NAALADL2: variants seen among roughly 807,000 people sequenced by gnomAD.
The protein encoded by NAALADL2 is inactive N-acetylated-alpha-linked acidic dipeptidase-like protein 2.
Under a neutral mutation model 87.2 loss-of-function variants are expected in NAALADL2, and 76 were observed. The observed-to-expected ratio is 0.87, with a 90% confidence interval of 0.72 to 1.05. The LOEUF (loss-of-function observed/expected upper bound fraction) is 1.05, where lower values mean the gene tolerates loss of function less well. NAALADL2 is among the 50% of genes least tolerant of loss of function. The pLI, the probability that NAALADL2 is intolerant of heterozygous loss-of-function variation, is 0.00. For synonymous variants in NAALADL2, 354 were observed against 331.0 expected, an observed-to-expected ratio of 1.07 and a Z score of -0.75; for missense variants, 1,089 against 945.8, an observed-to-expected ratio of 1.15 and a Z score of -1.99.
chr3:175,602,224 G>A (rs566453925), intron 10 of NAALADL2, among the ~76,000 whole-genome samples: 1 of 152,116 alleles, frequency 6.6e-6, no homozygotes, highest in South Asian at 2.1e-4. Context: ...ATATAGTTTA[G>A]TATACAGGTG....
chr3:174,463,901 A>AT (rs1382586688), intron 1 of NAALADL2, among the ~76,000 whole-genome samples: 3 of 151,914 alleles, frequency 2.0e-5, no homozygotes, highest in Admixed American at 6.6e-5. Flanking sequence ...CCCGGCCAAG[A>AT]TTATCTTTTT....
chr3:174,989,323 C>T (rs536405197), intron 1 of NAALADL2, among the ~76,000 whole-genome samples: 27 of 152,210 alleles, frequency 1.8e-4, no homozygotes, highest in African/African-American at 4.8e-4. Context: ...TTTTAGGGAA[C>T]GTAGTGCAAT....
chr3:175,555,816 G>A (rs1715175322), intron 9 of NAALADL2, among the ~76,000 whole-genome samples: 1 of 152,118 alleles, frequency 6.6e-6, no homozygotes. Flanking sequence ...GCACAATCTT[G>A]TCTAATTGTT....
intron 3 of NAALADL2, among the ~76,000 whole-genome samples, chr3:174,841,615 G>A (rs1011386504): frequency 1.3e-5 from 2 of 152,204 alleles, no homozygotes; most frequent in African/African-American, 4.8e-5. Flanking sequence ...TCTGTGGCTG[G>A]AAAGGACACT....
chr3:175,058,054 C>T (rs1296120936), intron 1 of NAALADL2, among the ~76,000 whole-genome samples: 1 of 152,156 alleles, frequency 6.6e-6, no homozygotes, highest in Non-Finnish European at 1.5e-5. Context: ...GCACTCTAGA[C>T]ATATTTGATT....
At chr3:174,879,801 A>C (rs1361297522) in intron 1 of NAALADL2, among the ~76,000 whole-genome samples, 1 of 152,020 alleles carries the variant, frequency 6.6e-6, no homozygotes, top group Admixed American at 6.6e-5. Flanking sequence ...CATTTTCATC[A>C]AGCATTTGCT....
At chr3:175,435,480 A>C (rs1459805373) in intron 5 of NAALADL2, among the ~76,000 whole-genome samples, 1 of 152,082 alleles carries the variant, frequency 6.6e-6, no homozygotes, top group Non-Finnish European at 1.5e-5. Flanking sequence ...CTAGTTTAAC[A>C]CCTGCTTAAC....
intron 2 of NAALADL2, among the ~76,000 whole-genome samples, chr3:174,630,162 A>G (rs751620772): frequency 1.3e-5 from 2 of 152,144 alleles, no homozygotes; most frequent in Non-Finnish European, 2.9e-5. Flanking sequence ...CATTTTGTTG[A>G]TTAAAATACA....
chr3:174,826,683 T>C (rs1174764350), intron 3 of NAALADL2, among the ~76,000 whole-genome samples: 1 of 152,188 alleles, frequency 6.6e-6, no homozygotes, highest in African/African-American at 2.4e-5. Context: ...CTGACTTCCT[T>C]AGGGTTTTTG....
At chr3:174,911,421 T>C (rs574209555) in intron 1 of NAALADL2, among the ~76,000 whole-genome samples, 1 of 152,248 alleles carries the variant, frequency 6.6e-6, no homozygotes, top group African/African-American at 2.4e-5. Flanking sequence ...GTATACAGCA[T>C]TTGAAGCAAT....
At chr3:175,695,224 T>C (rs190789599) in intron 11 of NAALADL2, among the ~76,000 whole-genome samples, 1 of 152,232 alleles carries the variant, frequency 6.6e-6, no homozygotes, top group Non-Finnish European at 1.5e-5. Context: ...TCTGTTTTTC[T>C]ACTCCTTCCA....
chr3:174,728,924 C>T (rs191372645), intron 2 of NAALADL2, among the ~76,000 whole-genome samples: 12 of 152,000 alleles, frequency 7.9e-5, no homozygotes, highest in Admixed American at 1.3e-4. Flanking sequence ...CTCATTGGAC[C>T]GCCTCATCGA....
rs1446051162 is a variant in NAALADL2, at chr3:175,734,444, C to G, written c.1897-2862C>G. On this transcript the variant is annotated intron_variant, in intron 11 of 13. Transcript: ENST00000454872. ...TGGTGGTGGGCGCCTGTAGTCCCAG[C>G]TACTTGGGAGGGTGAGGCAGGAGAA... is the stretch of plus-strand genomic sequence containing the variant. 2.0e-5 allele frequency among the ~76,000 whole-genome samples: 3 copies of G among 152,014 alleles called. No individual in the cohort carries two copies. In the East Asian group the frequency reaches 5.8e-4, roughly 29 times the overall value.
At chr3:175,471,801 A>G in intron 9 of NAALADL2, 43 bp downstream of exon 9, 2 of 1,510,048 alleles carry the variant, frequency 1.3e-6, no homozygotes, top group Non-Finnish European at 1.8e-6. Flanking sequence ...TGCAAAACCG[A>G]CCTTTTCTCT....
At chr3:174,496,828 G>T (rs1416857262) in intron 1 of NAALADL2, among the ~76,000 whole-genome samples, 1 of 151,996 alleles carries the variant, frequency 6.6e-6, no homozygotes, top group Non-Finnish European at 1.5e-5. Context: ...TCCTTGTGGG[G>T]TATAACACTC....
At chr3:175,740,672 T>C (rs982707674) in intron 12 of NAALADL2, among the ~76,000 whole-genome samples, 28 of 152,206 alleles carry the variant, frequency 1.8e-4, no homozygotes, top group African/African-American at 6.5e-4. Context: ...CACAAACCCT[T>C]ATAGCAGAGC....
At chr3:174,729,468 T>C (rs1179269381) in intron 2 of NAALADL2, among the ~76,000 whole-genome samples, 1 of 152,008 alleles carries the variant, frequency 6.6e-6, no homozygotes. Context: ...AAGTAATTAA[T>C]GAATACAATT....
Position 175,182,550 on chromosome 3 carries a change from G to GTTTTTTTTTTTTTTTTTTTTTT in NAALADL2, c.546-51374_546-51353dup, listed in dbSNP as rs1161831796. ...CTATAAGTCCATGACACCACAGCCAGTTTTTTTTTTTTTTTTTTTTTTTTT... is the reference window on the plus strand; with the variant it reads ...CTATAAGTCCATGACACCACAGCCAGTTTTTTTTTTTTTTTTTTTTTTTTTTTTTTTTTTTTTTTTTTTTTTT... On this transcript the variant is annotated intron_variant, in intron 2 of 13. Coordinates refer to ENST00000454872, the MANE Select transcript of NAALADL2 (RefSeq NM_207015.3). 1.2e-4 allele frequency among the ~76,000 whole-genome samples: 8 copies of GTTTTTTTTTTTTTTTTTTTTTT among 69,474 alleles called. 1 individual carries two copies. Among genetic ancestry groups the GTTTTTTTTTTTTTTTTTTTTTT allele is most frequent in the Admixed American group, 4.2e-4 (2 of 4,798 alleles). The allele number at this position is 69,474 out of a possible 152,430, so 45.6% of individuals were successfully genotyped here. A position where few individuals can be genotyped will look rare whatever the true frequency, so the allele number is the denominator to read the frequency against.
chr3:175,525,997 T>C (rs763106626), intron 9 of NAALADL2, among the ~76,000 whole-genome samples: 9 of 152,184 alleles, frequency 5.9e-5, no homozygotes, highest in Non-Finnish European at 1.2e-4. Flanking sequence ...TTTTAATATT[T>C]ATCAGAACTG....
Sources: allele counts gnomAD v4.1 joint callset (sites outside exome capture counted in the v4.1 genomes callset), GRCh38; gene constraint gnomAD v4.1.1; transcripts MANE v1.5; gene names NCBI Gene and HGNC (gene_info 2026-07-23, HGNC 2026-07-21).